POLR3C: variants seen among roughly 807,000 people sequenced by gnomAD.
POLR3C encodes the protein DNA-directed RNA polymerase III subunit RPC3.
Under a neutral mutation model 65.9 loss-of-function variants are expected in POLR3C, and 44 were observed. That is an observed-to-expected ratio of 0.67 (90% confidence interval 0.52 to 0.86). POLR3C has a LOEUF of 0.86. POLR3C is among the 40% of genes least tolerant of loss of function. POLR3C has a pLI of 0.00. For synonymous variants in POLR3C, 263 were observed against 231.6 expected (o/e 1.14, Z -1.23); for missense variants, 576 against 653.2 (o/e 0.88, Z 1.29).
rs1652441440 is a variant in POLR3C at position 145,843,478 on chromosome 1, A to C, written c.*1058A>C. On this transcript the variant is annotated 3_prime_UTR_variant, in exon 15 of 15. Transcript: ENST00000334163. The stretch of plus-strand genomic sequence containing the variant: ...AGCCACCATACTAAACACAACATAC[A>C]AGGATAGATAAATAAGACACCATCT... Among the ~76,000 whole-genome samples, 1 of 152,214 alleles carries C rather than the reference A, an allele frequency of 6.6e-6. No individual in the cohort carries two copies. The highest frequency in any genetic ancestry group is 6.5e-5 in the Admixed American group (1 of 15,274).
Position 145,825,767 on chromosome 1 carries a change from C to T in POLR3C, c.-10C>T, listed in dbSNP as rs1230433569. 4 of 1,610,850 alleles carry T rather than the reference C, an allele frequency of 2.5e-6. No homozygotes were observed. Among genetic ancestry groups the T allele is most frequent in the Non-Finnish European group, 2.5e-6 (3 of 1,177,270 alleles). On this transcript the variant is annotated 5_prime_UTR_variant, in exon 2 of 15. Transcript: ENST00000334163. ...GTGTTTTTTCCCTAGCTCTCAGACT[C>T]CCCAGTACAATGACTCAAGCAGAAA...
intron 9 of POLR3C, 138 bp from the exon 10 acceptor site, chr1:145,837,398 G>T: frequency 1.8e-6 from 1 of 548,280 alleles, no homozygotes; most frequent in Non-Finnish European, 3.2e-6. Flanking sequence ...TATGTACCAT[G>T]ACTGAAACCA....
chr1:145,833,636 C>T (rs587735005), intron 7 of POLR3C, 54 bp downstream of exon 7: 51 of 1,157,318 alleles, frequency 4.4e-5, no homozygotes, highest in African/African-American at 2.7e-4. Flanking sequence ...GTGTTATCAA[C>T]GTTTATTATA....
In POLR3C at chr1:145,843,373, A is replaced by G. The variant is rs1652433165; in HGVS notation, c.*953A>G. ...CAGCTTTAATTCATTTAAAGCAGTT[A>G]GATGTTTTATAATATCTTCAGTTTT... is the stretch of plus-strand genomic sequence containing the variant. On this transcript the variant is annotated 3_prime_UTR_variant, in exon 15 of 15. Transcript: ENST00000334163. 7.9e-6 allele frequency among the ~76,000 whole-genome samples: 1 copy of G among 126,714 alleles called. No individual in the cohort carries two copies. Among genetic ancestry groups the G allele is most frequent in the Admixed American group, 7.8e-5 (1 of 12,784 alleles). The allele number at this position is 126,714 out of a possible 152,430, so 83.1% of individuals were successfully genotyped here. A position where few individuals can be genotyped will look rare whatever the true frequency, so the allele number is the denominator to read the frequency against.
chr1:145,841,111 A>G, intron 14 of POLR3C, 40 bp downstream of exon 14: 1 of 1,577,124 alleles, frequency 6.3e-7, no homozygotes, highest in Non-Finnish European at 8.7e-7. Flanking sequence ...TCAGAATACC[A>G]TCCAGAAAAT....
In POLR3C at chr1:145,824,620, A is replaced by G. The variant is rs1203844442; in HGVS notation, c.-21+251A>G. 7 of 825,314 alleles carry G rather than the reference A, an allele frequency of 8.5e-6. No individual in the cohort carries two copies. In the African/African-American group the frequency reaches 8.8e-5, roughly 10 times the overall value. 51.1% of individuals were successfully genotyped at this position (825,314 alleles called of 1,614,324 possible). On this transcript the variant is annotated intron_variant, in intron 1 of 14. Coordinates refer to ENST00000334163, the MANE Select transcript of POLR3C (RefSeq NM_006468.8). ...GGCTTCTTAGGAATTGGAAGAAATAAGTAAACAATGTTTGGTAGCAATTTG... is the reference window on the plus strand; with the variant it reads ...GGCTTCTTAGGAATTGGAAGAAATAGGTAAACAATGTTTGGTAGCAATTTG...
intron 1 of POLR3C, among the ~76,000 whole-genome samples, chr1:145,825,266 G>A (rs1359210709): frequency 6.6e-6 from 1 of 151,790 alleles, no homozygotes; most frequent in Non-Finnish European, 1.5e-5. Flanking sequence ...CCGCCACCAC[G>A]CCCAGCTAAT....
At chr1:145,839,603 C>A (rs970110734) in intron 11 of POLR3C, 6 of 301,000 alleles carry the variant, frequency 2.0e-5, no homozygotes, top group Non-Finnish European at 3.1e-5. Context: ...CATGGTGGTG[C>A]ATGCCTGTAG....
Position 145,828,729 on chromosome 1 carries a change from TTTAA to T in POLR3C, c.590-17_590-14del, listed in dbSNP as rs782679605. 38 of 1,517,832 alleles carry T rather than the reference TTTAA, an allele frequency of 2.5e-5. No homozygotes were observed. In the South Asian group the frequency reaches 3.9e-4, roughly 16 times the overall value. The allele number at this position is 1,517,832 out of a possible 1,614,324, so 94.0% of individuals were successfully genotyped here. On this transcript the variant is annotated splice_polypyrimidine_tract_variant and intron_variant, in intron 4 of 14. Transcript: ENST00000334163. ...CATCATATGAGATATAGTCTAAGTG[TTTAA>T]TTGTTTGTTTGGCAGGGAAAGGTAA... is the stretch of plus-strand genomic sequence containing the variant.
chr1:145,837,665 T>C (rs1232939348), intron 10 of POLR3C, 69 bp downstream of exon 10: 1 of 1,020,270 alleles, frequency 9.8e-7, no homozygotes, highest in Non-Finnish European at 1.6e-6. Flanking sequence ...TTGATCATTA[T>C]GTAAGCCACC....
At chr1:145,835,848 A>G (rs1474308310) in intron 7 of POLR3C, among the ~76,000 whole-genome samples, 1 of 152,168 alleles carries the variant, frequency 6.6e-6, no homozygotes, top group Non-Finnish European at 1.5e-5. Context: ...TGCTGGCATT[A>G]CAAAGTCGTG....
Position 145,842,839 on chromosome 1 carries a change from A to T in POLR3C, c.*419A>T, listed in dbSNP as rs1652398531. Among the ~76,000 whole-genome samples the T allele has an allele frequency of 7.6e-6, 1 of 132,278 alleles. No individual in the cohort carries two copies. Among genetic ancestry groups the T allele is most frequent in the Non-Finnish European group, 1.7e-5 (1 of 58,636 alleles). The allele number at this position is 132,278 out of a possible 152,430, so 86.8% of individuals were successfully genotyped here. A position where few individuals can be genotyped will look rare whatever the true frequency, so the allele number is the denominator to read the frequency against. On this transcript the variant is annotated 3_prime_UTR_variant, in exon 15 of 15. Transcript: ENST00000334163. ...GATAATTTGTTGTTGTTGAGACAGGATCTCACTCTGTCACTCAGGCTGGGG... is the reference window on the plus strand; with the variant it reads ...GATAATTTGTTGTTGTTGAGACAGGTTCTCACTCTGTCACTCAGGCTGGGG...
chr1:145,832,467 G>T (rs1261677126), intron 5 of POLR3C, among the ~76,000 whole-genome samples: 1 of 152,176 alleles, frequency 6.6e-6, no homozygotes, highest in South Asian at 2.1e-4. Flanking sequence ...GGATCCCCAA[G>T]AATGAATGAG....
In POLR3C at chr1:145,826,724, C is replaced by T; in HGVS notation, c.403+15C>T. 5 of 1,613,704 alleles carry T rather than the reference C, an allele frequency of 3.1e-6. No homozygotes were observed. Among genetic ancestry groups the T allele is most frequent in the South Asian group, 1.1e-5 (1 of 91,050 alleles). ...GACCATGGAGGGTCAGTATGGTATC[C>T]ATAGCTGTTAACAAAAGCATAGATC... is the stretch of plus-strand genomic sequence containing the variant. On this transcript the variant is annotated intron_variant, in intron 3 of 14. Transcript: ENST00000334163.
At position 145,826,998 on chromosome 1, in the gene POLR3C, C is replaced by T. The variant is rs782551734; in HGVS notation, c.582C>T (p.Ser194=). Residue 194 remains serine (S), a synonymous_variant, in exon 4 of 15, where the codon AGC becomes AGT. Transcript: ENST00000334163. ...EKDMYLVPKL[S]LIGKGKRRRS... ...ACATGTACCTGGTTCCTAAACTCAG[C>T]TTGATAGGTAAGGAATTTTAACCCC... 6.2e-7 allele frequency: 1 copy of T among 1,606,660 alleles called. No homozygotes were observed. The highest frequency in any genetic ancestry group is 8.5e-7 in the Non-Finnish European group (1 of 1,177,378).
intron 2 of POLR3C, 31 bp from the exon 3 acceptor site, chr1:145,826,423 C>G: frequency 6.2e-7 from 1 of 1,605,824 alleles, no homozygotes; most frequent in Non-Finnish European, 8.5e-7. Flanking sequence ...TCAGGTCTTT[C>G]CTCTCTTTCT....
At chr1:145,838,419 C>T (rs1553729443) in intron 11 of POLR3C, among the ~76,000 whole-genome samples, 1 of 152,150 alleles carries the variant, frequency 6.6e-6, no homozygotes, top group Admixed American at 6.5e-5. Flanking sequence ...CGGTGGTTCG[C>T]GCCTGTAGTC....
rs781904974 is a variant in POLR3C, at chr1:145,833,521, G to A, written c.815G>A (p.Arg272Gln). 5 of 1,613,740 alleles carry A rather than the reference G, an allele frequency of 3.1e-6. No homozygotes were observed. Among genetic ancestry groups the A allele is most frequent in the South Asian group, 1.1e-5 (1 of 91,074 alleles). Residue 272 changes from arginine (R) to glutamine (Q), a missense_variant, in exon 7 of 15, where the codon CGA (arginine) becomes CAA (glutamine). Arg to Gln is a conservative substitution (Grantham distance 43). Coordinates refer to ENST00000334163, the MANE Select transcript of POLR3C (RefSeq NM_006468.8). ...AGCGAGATTGTGCGAACCATGCTCC[G>A]AATGAGTGAGATTACCACTTCCTCT... ...TSSEIVRTML[R>Q]MSEITTSSSA...
In POLR3C at chr1:145,840,143, C is replaced by A; in HGVS notation, c.1351C>A (p.Gln451Lys). The change falls in exon 13 of 15, where the codon CAA (glutamine) becomes AAA (lysine). Residue 451 changes from glutamine to lysine, a missense_variant. Physicochemically the swap from Gln to Lys is moderately conservative, Grantham distance 53. Coordinates refer to ENST00000334163, the MANE Select transcript of POLR3C (RefSeq NM_006468.8). The part of the protein sequence containing the change: ...KSIANLIERR[Q>K]FETKENKRLL... The stretch of plus-strand genomic sequence containing the variant: ...CATAGCCAACTTGATAGAAAGGAGG[C>A]AATTTGAAACCAAAGAGAATAAGTA... 1 of 1,600,740 alleles carries A rather than the reference C, an allele frequency of 6.2e-7. No homozygotes were observed. Among genetic ancestry groups the A allele is most frequent in the Non-Finnish European group, 8.6e-7 (1 of 1,167,834 alleles).
Sources: gnomAD v4.1 joint callset for allele counts (sites outside exome capture counted in the v4.1 genomes callset) on GRCh38, gnomAD v4.1.1 for gene constraint, MANE v1.5 for transcripts, NCBI Gene and HGNC (gene_info 2026-07-23, HGNC 2026-07-21) for gene names.